Variants in DIS3L2 observed in about 807,000 individuals in gnomAD.
The protein encoded by DIS3L2 is DIS3-like exonuclease 2.
DIS3L2 carries 34 observed loss-of-function variants against 97.5 expected under a neutral mutation model. That is an observed-to-expected ratio of 0.35 (90% confidence interval 0.27 to 0.46). DIS3L2 has a LOEUF of 0.46. Among genes scored for constraint, DIS3L2 ranks in the 20% least tolerant of loss-of-function variants. The probability of loss-of-function intolerance (pLI) is 1.00; values close to 1 mark genes in which losing one functional copy is unlikely to be tolerated. For synonymous variants in DIS3L2, 435 were observed against 445.2 expected (o/e 0.98, Z 0.29); for missense variants, 1,038 against 1,146.0 (o/e 0.91, Z 1.36).
chr2:232,329,464 G>A (rs1212262670), intron 14 of DIS3L2: 6 of 253,262 alleles, frequency 2.4e-5, no homozygotes, highest in Non-Finnish European at 4.5e-5. Context: ...ATCTTTCCTC[G>A]GTGCCTTCTC....
rs941498524 is a variant in DIS3L2, at chr2:232,220,395, C to A, written c.1204+9990C>A. On this transcript the variant is annotated intron_variant, in intron 10 of 20. Coordinates refer to ENST00000325385, the MANE Select transcript of DIS3L2 (RefSeq NM_152383.5). Reference sequence around the variant, plus strand: ...CAAGTATCTCTTCAGTGGCAGTGCTCACCTATAAGTTGGGAGAAATAGAAA... The same window carrying A: ...CAAGTATCTCTTCAGTGGCAGTGCTAACCTATAAGTTGGGAGAAATAGAAA... Among the ~76,000 whole-genome samples the A allele has an allele frequency of 4.5e-4, 68 of 152,104 alleles. 1 individual carries two copies. Among genetic ancestry groups the A allele is most frequent in the African/African-American group, 1.5e-3 (64 of 41,472 alleles).
At chr2:232,111,701 A>G (rs771228047) in intron 6 of DIS3L2, among the ~76,000 whole-genome samples, 1 of 152,192 alleles carries the variant, frequency 6.6e-6, no homozygotes, top group Non-Finnish European at 1.5e-5. Flanking sequence ...ATGAGATGTC[A>G]TAACATGAGA....
At chr2:232,220,577 C>T (rs941438166) in intron 10 of DIS3L2, among the ~76,000 whole-genome samples, 4 of 151,746 alleles carry the variant, frequency 2.6e-5, no homozygotes, top group South Asian at 2.1e-4. Context: ...TGTGGTGGCA[C>T]GCGCCTGTAA....
downstream of DIS3L2, among the ~76,000 whole-genome samples, chr2:232,341,282 T>C (rs1026792324): frequency 2.0e-5 from 3 of 152,142 alleles, no homozygotes; most frequent in Non-Finnish European, 4.4e-5. Context: ...CCCCAGGTGG[T>C]GCCTGGCAAC....
At chr2:232,140,109 C>T (rs1039459324) in intron 8 of DIS3L2, among the ~76,000 whole-genome samples, 14 of 152,136 alleles carry the variant, frequency 9.2e-5, no homozygotes, top group African/African-American at 3.4e-4. Flanking sequence ...TGTGTATGTT[C>T]ATAGTTCCAA....
intron 16 of DIS3L2, among the ~76,000 whole-genome samples, chr2:232,333,380 C>T (rs932433731): frequency 6.6e-6 from 1 of 151,336 alleles, no homozygotes; most frequent in Non-Finnish European, 1.5e-5. Context: ...GTAGCAGCCC[C>T]GGCCCCATGC....
intron 5 of DIS3L2, among the ~76,000 whole-genome samples, chr2:232,065,520 T>C (rs1328657191): frequency 1.3e-5 from 2 of 152,118 alleles, no homozygotes; most frequent in African/African-American, 2.4e-5. Flanking sequence ...CAATTTACTA[T>C]ATAAATGTGA....
intron 9 of DIS3L2, among the ~76,000 whole-genome samples, chr2:232,193,288 A>AC (rs1691666004): frequency 1.3e-5 from 2 of 152,380 alleles, no homozygotes; most frequent in Non-Finnish European, 2.9e-5. Flanking sequence ...GGAGTGAAAT[A>AC]CAAGAACACA....
chr2:232,314,376 C>T (rs530167846), intron 14 of DIS3L2, among the ~76,000 whole-genome samples: 6 of 152,310 alleles, frequency 3.9e-5, no homozygotes, highest in South Asian at 4.1e-4. Flanking sequence ...GAATCCCTTT[C>T]GCTGAGACTT....
intron 3 of DIS3L2, among the ~76,000 whole-genome samples, chr2:232,018,796 G>A (rs1694425596): frequency 6.6e-6 from 1 of 151,894 alleles, no homozygotes; most frequent in Admixed American, 6.6e-5. Context: ...TTCCTATGTG[G>A]GGAGGAGACC....
At chr2:232,122,191 A>C (rs544599361) in intron 6 of DIS3L2, among the ~76,000 whole-genome samples, 1 of 152,198 alleles carries the variant, frequency 6.6e-6, no homozygotes, top group African/African-American at 2.4e-5. Flanking sequence ...CACCAGGCAC[A>C]CAGAAAAATA....
downstream of DIS3L2, among the ~76,000 whole-genome samples, chr2:232,342,122 CAT>C (rs760381068): frequency 6.6e-6 from 1 of 151,246 alleles, no homozygotes; most frequent in African/African-American, 2.4e-5. Context: ...GTGTGTGTAG[CAT>C]ATATATATAC....
At chr2:232,329,785 T>TGCCCGGGGGGC in intron 14 of DIS3L2, 28 bp from the exon 15 acceptor site, 18 of 967,124 alleles carry the variant, frequency 1.9e-5, no homozygotes, top group East Asian at 3.1e-5. Context: ...ACCCCAGCGG[T>TGCCCGGGGGGC]CCCTCCCATC....
At chr2:231,992,345 G>T (rs1422283067) in intron 1 of DIS3L2, among the ~76,000 whole-genome samples, 2 of 152,044 alleles carry the variant, frequency 1.3e-5, no homozygotes, top group African/African-American at 4.8e-5. Context: ...CATGTTGGGG[G>T]ATGCTACCCA....
intron 6 of DIS3L2, among the ~76,000 whole-genome samples, chr2:232,123,880 A>G (rs1015340573): frequency 2.0e-5 from 3 of 152,204 alleles, no homozygotes; most frequent in African/African-American, 7.2e-5. Context: ...TCACATGGAA[A>G]TGCAGCCCAG....
At chr2:232,327,012 CCT>C (rs1335786460) in intron 14 of DIS3L2, among the ~76,000 whole-genome samples, 14 of 152,328 alleles carry the variant, frequency 9.2e-5, no homozygotes, top group South Asian at 6.2e-4. Context: ...CCACCCTCTC[CCT>C]GTCCCCTCCC....
chr2:232,016,374 G>A lies in DIS3L2; in HGVS notation c.210+703G>A, dbSNP rs1197884750. On this transcript the variant is annotated intron_variant, in intron 3 of 20. Coordinates refer to ENST00000325385, the MANE Select transcript of DIS3L2 (RefSeq NM_152383.5). ...GCTGTACTTCAGCTTGCAGCCCAGT[G>A]GTGGGAGGCAGTCATGTGAACAGAT... Among the ~76,000 whole-genome samples, 3 of 152,300 alleles carry A rather than the reference G, an allele frequency of 2.0e-5. No homozygotes were observed. The South Asian group carries it at 6.2e-4, about 32-fold the overall frequency.
At chr2:232,187,442 AATT>A (rs955887746) in intron 9 of DIS3L2, among the ~76,000 whole-genome samples, 2 of 152,006 alleles carry the variant, frequency 1.3e-5, no homozygotes, top group Non-Finnish European at 2.9e-5. Flanking sequence ...CTTGTACATG[AATT>A]ATTATTATTA....
chr2:232,189,792 A>G (rs929720690), intron 9 of DIS3L2, among the ~76,000 whole-genome samples: 1 of 152,236 alleles, frequency 6.6e-6, no homozygotes, highest in Non-Finnish European at 1.5e-5. Flanking sequence ...ATTGTACTAC[A>G]GTTTTGTATG....
Sources: gnomAD v4.1 joint callset for allele counts (sites outside exome capture counted in the v4.1 genomes callset) on GRCh38, gnomAD v4.1.1 for gene constraint, MANE v1.5 for transcripts, NCBI Gene and HGNC (gene_info 2026-07-23, HGNC 2026-07-21) for gene names.